The following VGLL3 variants were observed in gnomAD, a reference collection of about 807,000 sequenced individuals.
VGLL3 encodes vestigial like family member 3.
VGLL3 carries 18 observed loss-of-function variants against 29.2 expected under a neutral mutation model. The ratio of observed to expected loss-of-function variants is 0.62; its 90% CI spans 0.43 to 0.91. The LOEUF (loss-of-function observed/expected upper bound fraction) is 0.91. VGLL3 is among the 40% of genes least tolerant of loss of function. The probability of loss-of-function intolerance (pLI) is 0.00; values close to 1 mark genes in which losing one functional copy is unlikely to be tolerated. For missense variants in VGLL3, 440 were observed against 413.2 expected (o/e 1.06, Z -0.56); for synonymous variants, 180 against 151.8 (o/e 1.19, Z -1.36).
chr3:86,946,913 TCTC>T lies in VGLL3; in HGVS notation c.*108_*110del. 1.4e-6 allele frequency: 1 copy of T among 712,746 alleles called. No individual in the cohort carries two copies. Among genetic ancestry groups the T allele is most frequent in the Non-Finnish European group, 2.6e-6 (1 of 382,956 alleles). The allele number at this position is 712,746 out of a possible 1,614,324, so 44.2% of individuals were successfully genotyped here. ...CAGTCAACTGCGTGACACTTTGTCT[TCTC>T]CTTCTATGCCTTTCGTGTCCTATTG... is the stretch of plus-strand genomic sequence containing the variant. On this transcript the variant is annotated 3_prime_UTR_variant, in exon 4 of 4. Coordinates refer to ENST00000398399, the MANE Select transcript of VGLL3 (RefSeq NM_016206.4).
intron 1 of VGLL3, among the ~76,000 whole-genome samples, chr3:86,985,915 G>T (rs1365368153): frequency 2.0e-5 from 3 of 152,138 alleles, no homozygotes; most frequent in Admixed American, 2.0e-4. Flanking sequence ...TAGAATGACA[G>T]TCACCTAGCT....
In VGLL3 at chr3:86,969,041, A is replaced by G; in HGVS notation, c.486T>C (p.Cys162=). 1 of 1,614,120 alleles carries G rather than the reference A, an allele frequency of 6.2e-7. No individual in the cohort carries two copies. The highest frequency in any genetic ancestry group is 8.5e-7 in the Non-Finnish European group (1 of 1,180,012). Residue 162 remains cysteine (C), a synonymous_variant, in exon 3 of 4, where the codon TGT becomes TGC. Coordinates refer to ENST00000398399, the MANE Select transcript of VGLL3 (RefSeq NM_016206.4). ...GGAAGTCAGGATGAACTCCCCCCAA[A>G]CAAGGTGCAGGTGGGGGCTGGTAAG... ...TSSYQPPPAP[C]LGGVHPDFQV...
intron 3 of VGLL3, among the ~76,000 whole-genome samples, chr3:86,957,271 T>C (rs1297543753): frequency 2.0e-5 from 3 of 152,196 alleles, no homozygotes; most frequent in Admixed American, 6.5e-5. Context: ...CAAACACTAC[T>C]ATCAGGAAAC....
intron 3 of VGLL3, among the ~76,000 whole-genome samples, chr3:86,950,945 G>C (rs1400073028): frequency 3.9e-5 from 6 of 152,166 alleles, no homozygotes; most frequent in Non-Finnish European, 7.3e-5. Context: ...TTGAAATTCA[G>C]TTAGGACAAA....
intron 1 of VGLL3, among the ~76,000 whole-genome samples, chr3:86,980,811 T>C (rs972444401): frequency 6.6e-6 from 1 of 151,974 alleles, no homozygotes; most frequent in Non-Finnish European, 1.5e-5. Flanking sequence ...TGCTGAATAT[T>C]CGGGCACATT....
intron 3 of VGLL3, among the ~76,000 whole-genome samples, chr3:86,949,551 G>A (rs933416473): frequency 1.3e-5 from 2 of 151,636 alleles, no homozygotes; most frequent in Non-Finnish European, 2.9e-5. Flanking sequence ...GGCTGGCTGG[G>A]CGCGGTGGCT....
At chr3:86,962,339 C>A (rs1704867485) in intron 3 of VGLL3, 1 of 985,254 alleles carries the variant, frequency 1.0e-6, no homozygotes, top group Non-Finnish European at 1.2e-6. Flanking sequence ...GCCCTGGGTG[C>A]AAAATATGGG....
intron 2 of VGLL3, among the ~76,000 whole-genome samples, chr3:86,975,404 C>A (rs1387322623): frequency 6.6e-6 from 1 of 151,994 alleles, no homozygotes; most frequent in Non-Finnish European, 1.5e-5. Context: ...CAACTTAAGA[C>A]AATTATGACA....
At position 86,939,269 on chromosome 3, in the gene VGLL3, G is replaced by A. The variant is rs373297292; in HGVS notation, c.*7755C>T. 1 of 152,198 alleles carries A rather than the reference G, an allele frequency of 6.6e-6. No individual in the cohort carries two copies. Among genetic ancestry groups the A allele is most frequent in the Non-Finnish European group, 1.5e-5 (1 of 68,050 alleles). 9.4% of individuals were successfully genotyped at this position (152,198 alleles called of 1,614,324 possible). ...GTTGTAGGTAGAATAATGGCTCCAA[G>A]TCCTAATCCCCAGAACCATTGAATA... On this transcript the variant is annotated 3_prime_UTR_variant, in exon 4 of 4. Coordinates refer to ENST00000398399, the MANE Select transcript of VGLL3 (RefSeq NM_016206.4).
intron 3 of VGLL3, among the ~76,000 whole-genome samples, chr3:86,957,744 A>G (rs560359901): frequency 6.6e-6 from 1 of 152,278 alleles, no homozygotes; most frequent in Admixed American, 6.5e-5. Flanking sequence ...ATGAGCCCCT[A>G]AGTGAATTTG....
At chr3:86,964,874 T>C (rs1704925640) in intron 3 of VGLL3, among the ~76,000 whole-genome samples, 1 of 152,176 alleles carries the variant, frequency 6.6e-6, no homozygotes, top group South Asian at 2.1e-4. Context: ...ATTTCATGTT[T>C]TTAGGCCGGC....
intron 2 of VGLL3, among the ~76,000 whole-genome samples, chr3:86,974,740 A>G (rs1408858176): frequency 6.6e-6 from 1 of 152,172 alleles, no homozygotes; most frequent in East Asian, 1.9e-4. Context: ...GTGGCACTGT[A>G]ATAACTTTAT....
intron 3 of VGLL3, among the ~76,000 whole-genome samples, chr3:86,948,008 T>C (rs1196925673): frequency 6.6e-6 from 1 of 152,104 alleles, no homozygotes; most frequent in African/African-American, 2.4e-5. Flanking sequence ...ATTGTATATA[T>C]TTAAGGTGTA....
At chr3:86,983,818 A>G (rs1334982121) in intron 1 of VGLL3, among the ~76,000 whole-genome samples, 1 of 152,220 alleles carries the variant, frequency 6.6e-6, no homozygotes, top group Non-Finnish European at 1.5e-5. Context: ...TTCATTTCAC[A>G]TAACTGTCCT....
intron 1 of VGLL3, chr3:86,990,344 T>C: frequency 6.1e-6 from 6 of 985,320 alleles, no homozygotes; most frequent in Non-Finnish European, 7.2e-6. Context: ...GAGAACTGAG[T>C]CCTAAGAGCT....
rs1158032629 is a variant in VGLL3 at position 86,990,987 on chromosome 3, C to G, written c.-244G>C. 1.0e-6 allele frequency: 1 copy of G among 1,000,110 alleles called. No homozygotes were observed. Among genetic ancestry groups the G allele is most frequent in the Non-Finnish European group, 1.2e-6 (1 of 830,580 alleles). 62.0% of individuals were successfully genotyped at this position (1,000,110 alleles called of 1,614,324 possible). ...CAGCCCCTCCGGATGTTCCCTGCCG[C>G]GCTTATATAGCGGCTCAGGGACGCA... On this transcript the variant is annotated 5_prime_UTR_variant, in exon 1 of 4. Coordinates refer to ENST00000398399, the MANE Select transcript of VGLL3 (RefSeq NM_016206.4).
Position 86,978,709 on chromosome 3 carries a change from C to A in VGLL3, c.220G>T (p.Glu74Ter). 1 of 1,499,466 alleles carries A rather than the reference C, an allele frequency of 6.7e-7. No homozygotes were observed. The highest frequency in any genetic ancestry group is 9.0e-7 in the Non-Finnish European group (1 of 1,109,242). The allele number at this position is 1,499,466 out of a possible 1,614,324, so 92.9% of individuals were successfully genotyped here. ...EEEDEEEEEE[E>*]KDQPAEMEYL... ...TCCATCTCGGCAGGCTGGTCTTTCT[C>A]CTCCTCCTCCTCCTCCTCATCCTCC... Residue 74 changes from glutamate (E) to a stop codon, truncating the protein, a stop_gained, in exon 2 of 4, where the codon GAG becomes TAG. Coordinates refer to ENST00000398399, the MANE Select transcript of VGLL3 (RefSeq NM_016206.4). LOFTEE classifies it high-confidence loss of function.
intron 1 of VGLL3, among the ~76,000 whole-genome samples, chr3:86,979,310 A>G (rs1705275916): frequency 1.3e-5 from 2 of 152,194 alleles, no homozygotes; most frequent in South Asian, 2.1e-4. Flanking sequence ...AGCATCTTAT[A>G]AAAGGATTTG....
chr3:86,944,262 A>C lies in VGLL3; in HGVS notation c.*2762T>G, dbSNP rs1004623307. 1 of 152,224 alleles carries C rather than the reference A, an allele frequency of 6.6e-6. No individual in the cohort carries two copies. Among genetic ancestry groups the C allele is most frequent in the Non-Finnish European group, 1.5e-5 (1 of 68,116 alleles). 9.4% of individuals were successfully genotyped at this position (152,224 alleles called of 1,614,324 possible). A position where few individuals can be genotyped will look rare whatever the true frequency, so the allele number is the denominator to read the frequency against. On this transcript the variant is annotated 3_prime_UTR_variant, in exon 4 of 4. Transcript: ENST00000398399. ...CCTGTTTTCTTTTTCCTTTTGAGAC[A>C]GGATCTTGCTCTGTTGCCCAAGCTG...
Sources: gnomAD v4.1 joint callset for allele counts (sites outside exome capture counted in the v4.1 genomes callset) on GRCh38, gnomAD v4.1.1 for gene constraint, MANE v1.5 for transcripts, NCBI Gene and HGNC (gene_info 2026-07-23, HGNC 2026-07-21) for gene names.